IPCEF1: variants seen among roughly 807,000 people sequenced by gnomAD.
IPCEF1 encodes the protein interaction protein for cytohesin exchange factors 1.
Under a neutral mutation model 50.9 loss-of-function variants are expected in IPCEF1, and 31 were observed. That is an observed-to-expected ratio of 0.61 (90% confidence interval 0.46 to 0.82). IPCEF1 has a LOEUF of 0.82. Ranked by LOEUF, IPCEF1 falls within the 40% of genes least tolerant of loss-of-function variation. IPCEF1 has a pLI of 0.00. For synonymous variants in IPCEF1, 181 were observed against 192.0 expected (o/e 0.94, Z 0.47); for missense variants, 458 against 514.0 (o/e 0.89, Z 1.05).
chr6:154,250,530 G>A (rs1358517560), intron 3 of IPCEF1, among the ~76,000 whole-genome samples: 1 of 152,102 alleles, frequency 6.6e-6, no homozygotes, highest in Non-Finnish European at 1.5e-5. Flanking sequence ...CTTTTTAAAA[G>A]ATGGTTCAAA....
At chr6:154,233,158 A>T (rs979715681) in intron 5 of IPCEF1, among the ~76,000 whole-genome samples, 9 of 152,054 alleles carry the variant, frequency 5.9e-5, no homozygotes, top group African/African-American at 2.4e-5. Flanking sequence ...TAATAGAGAC[A>T]TGGTTTCGCC....
chr6:154,160,026 A>G lies in IPCEF1; in HGVS notation c.1119T>C (p.Asp373=), dbSNP rs781654312. Reference sequence around the variant, plus strand: ...CCAGCAACTGGTTAATCATGGCCAGATCATGTTCTTTACACTGTGTGAGTA... The same window carrying G: ...CCAGCAACTGGTTAATCATGGCCAGGTCATGTTCTTTACACTGTGTGAGTA... The part of the protein sequence containing the change: ...LNSTLKCKEH[D]LAMINQLLDD... Residue 373 remains aspartate, a synonymous_variant, in exon 12 of 12, where the codon GAT becomes GAC. Coordinates refer to ENST00000367220, the MANE Select transcript of IPCEF1 (RefSeq NM_001130700.2). 9.3e-6 allele frequency: 15 copies of G among 1,611,482 alleles called. No individual in the cohort carries two copies. The highest frequency in any genetic ancestry group is 1.1e-5 in the Non-Finnish European group (13 of 1,179,752).
At chr6:154,325,638 T>C (rs1372674900) in intron 1 of IPCEF1, among the ~76,000 whole-genome samples, 2 of 152,204 alleles carry the variant, frequency 1.3e-5, no homozygotes, top group African/African-American at 4.8e-5. Flanking sequence ...AACATGAAAC[T>C]CTGTCCTCAC....
chr6:154,271,517 T>C (rs1191769152), intron 2 of IPCEF1, among the ~76,000 whole-genome samples: 1 of 152,192 alleles, frequency 6.6e-6, no homozygotes, highest in East Asian at 1.9e-4. Context: ...ATCTATATTA[T>C]ATAGATTACT....
In IPCEF1 at chr6:154,299,889, A is replaced by C. The variant is rs1282963721; in HGVS notation, c.-61-10133T>G. ...AAAAAAGAAAGTAGTCTATGACTTA[A>C]AAAAAAAAACTTGGAAAACTGTGAA... is the stretch of plus-strand genomic sequence containing the variant. On this transcript the variant is annotated intron_variant, in intron 1 of 11. Coordinates refer to ENST00000367220, the MANE Select transcript of IPCEF1 (RefSeq NM_001130700.2). Among the ~76,000 whole-genome samples the C allele has an allele frequency of 2.9e-5, 4 of 139,160 alleles. 1 individual carries two copies. The highest frequency in any genetic ancestry group is 6.4e-5 in the Non-Finnish European group (4 of 62,018). 91.3% of individuals were successfully genotyped at this position (139,160 alleles called of 152,430 possible). A position where few individuals can be genotyped will look rare whatever the true frequency, so the allele number is the denominator to read the frequency against.
chr6:154,337,840 G>A (rs566176079), intron 1 of IPCEF1, among the ~76,000 whole-genome samples: 1 of 152,182 alleles, frequency 6.6e-6, no homozygotes, highest in Non-Finnish European at 1.5e-5. Context: ...AGGAAGACTC[G>A]AGTAGAGGAC....
intron 11 of IPCEF1, among the ~76,000 whole-genome samples, chr6:154,163,859 G>A (rs1799218726): frequency 1.3e-5 from 2 of 152,156 alleles, no homozygotes; most frequent in South Asian, 4.1e-4. Flanking sequence ...TAGATAGATA[G>A]AAGATAGACA....
chr6:154,242,609 A>C (rs1193013165), intron 5 of IPCEF1, among the ~76,000 whole-genome samples: 1 of 152,192 alleles, frequency 6.6e-6, no homozygotes, highest in Non-Finnish European at 1.5e-5. Context: ...AGTATAGGCC[A>C]AGTGCGGTGG....
intron 2 of IPCEF1, among the ~76,000 whole-genome samples, chr6:154,282,790 G>A (rs536412221): frequency 1.3e-5 from 2 of 152,318 alleles, no homozygotes; most frequent in South Asian, 4.1e-4. Flanking sequence ...AGGAAATTCT[G>A]TCTGAAATAT....
In IPCEF1 at chr6:154,183,812, C is replaced by T. The variant is rs560188807; in HGVS notation, c.911-15699G>A. On this transcript the variant is annotated intron_variant, in intron 10 of 11. Transcript: ENST00000367220. ...GGCTGAGGTGGGAGAATCACTTGAA[C>T]CCAGGAGGCAGAGGTTACAGTGAAC... Among the ~76,000 whole-genome samples the T allele has an allele frequency of 6.6e-5, 10 of 152,168 alleles. No individual in the cohort carries two copies. The South Asian group carries it at 8.3e-4, about 13-fold the overall frequency.
rs1048054616 is a variant in IPCEF1 at position 154,168,359 on chromosome 6, C to T, written c.911-246G>A. 7.9e-5 allele frequency among the ~76,000 whole-genome samples: 12 copies of T among 152,122 alleles called. No individual in the cohort carries two copies. The highest frequency in any genetic ancestry group is 2.7e-4 in the African/African-American group (11 of 41,422). On this transcript the variant is annotated intron_variant, in intron 10 of 11. Transcript: ENST00000367220. The surrounding 1 kb of genome is among the most constrained non-coding windows in gnomAD (Gnocchi z 4.1). ...TTATTCCAAGCCTCTCTCCTGGCTT[C>T]AAGTGGTTTTTTGGTTTGTGGCAGT...
At chr6:154,195,789 C>T (rs1436057956) in intron 10 of IPCEF1, among the ~76,000 whole-genome samples, 1 of 114,864 alleles carries the variant, frequency 8.7e-6, no homozygotes, top group African/African-American at 4.0e-5. Context: ...ACCTTGTTCA[C>T]AATTTTTTTT....
chr6:154,201,424 A>G (rs1486554409), intron 9 of IPCEF1, among the ~76,000 whole-genome samples: 1 of 152,128 alleles, frequency 6.6e-6, no homozygotes, highest in Non-Finnish European at 1.5e-5. Context: ...AGATTCAGCA[A>G]CTCTGTCTTG....
chr6:154,253,546 T>C (rs1441984185), intron 3 of IPCEF1, among the ~76,000 whole-genome samples: 2 of 152,248 alleles, frequency 1.3e-5, no homozygotes, highest in Non-Finnish European at 2.9e-5. Context: ...TGAAATTATT[T>C]ACAATGTTAT....
At chr6:154,324,639 C>T (rs902212259) in intron 1 of IPCEF1, among the ~76,000 whole-genome samples, 9 of 152,048 alleles carry the variant, frequency 5.9e-5, no homozygotes, top group African/African-American at 2.2e-4. Context: ...GAAACCCTGT[C>T]TTTACTAAAA....
At position 154,168,206 on chromosome 6, in the gene IPCEF1, A is replaced by G; in HGVS notation, c.911-93T>C. On this transcript the variant is annotated intron_variant, in intron 10 of 11. Coordinates refer to ENST00000367220, the MANE Select transcript of IPCEF1 (RefSeq NM_001130700.2). This position sits in a 1 kb window ranked among gnomAD's most constrained non-coding sequence, Gnocchi z 4.1. ...TACTGTGGTCCCAAGGCACGGCCCCACTGGCACCCTCATCTCAGACTTCTC... is the reference window on the plus strand; with the variant it reads ...TACTGTGGTCCCAAGGCACGGCCCCGCTGGCACCCTCATCTCAGACTTCTC... 1.2e-6 allele frequency: 1 copy of G among 860,758 alleles called. No homozygotes were observed. Among genetic ancestry groups the G allele is most frequent in the Non-Finnish European group, 1.7e-6 (1 of 573,656 alleles). The allele number at this position is 860,758 out of a possible 1,614,324, so 53.3% of individuals were successfully genotyped here. A position where few individuals can be genotyped will look rare whatever the true frequency, so the allele number is the denominator to read the frequency against.
intron 5 of IPCEF1, among the ~76,000 whole-genome samples, chr6:154,227,292 A>G (rs987435897): frequency 6.6e-6 from 1 of 152,238 alleles, no homozygotes; most frequent in Admixed American, 6.5e-5. Context: ...TCAGCACCCA[A>G]TTTATGGCAT....
At chr6:154,342,434 A>G (rs2333857) in intron 1 of IPCEF1, among the ~76,000 whole-genome samples, 79,680 of 151,802 alleles carry the variant, frequency 0.52, 21,872 homozygotes, top group East Asian at 0.9. Flanking sequence ...CTACCTACTC[A>G]CCCCTCTCCC....
intron 10 of IPCEF1, among the ~76,000 whole-genome samples, chr6:154,199,420 T>G (rs1198765553): frequency 6.6e-6 from 1 of 152,244 alleles, no homozygotes; most frequent in African/African-American, 2.4e-5. Context: ...CATTATTTTA[T>G]GATCACATGT....
Sources: gnomAD v4.1 joint callset for allele counts (sites outside exome capture counted in the v4.1 genomes callset) on GRCh38, gnomAD v4.1.1 for gene constraint, Gnocchi (gnomAD v3.1) non-coding constraint, MANE v1.5 for transcripts, NCBI Gene and HGNC (gene_info 2026-07-23, HGNC 2026-07-21) for gene names.